ITGB1: variants seen among roughly 807,000 people sequenced by gnomAD.
ITGB1 encodes integrin beta-1.
In ITGB1, 24 loss-of-function variants were observed where a neutral mutation model predicts 86.5. The ratio of observed to expected loss-of-function variants is 0.28; its 90% CI spans 0.20 to 0.39. ITGB1 has a LOEUF of 0.39. Ranked by LOEUF, ITGB1 falls within the 10% of genes least tolerant of loss-of-function variation. ITGB1 has a pLI of 1.00. For synonymous variants in ITGB1, 323 were observed against 316.8 expected (o/e 1.02, Z -0.21); for missense variants, 556 against 946.9 (o/e 0.59, Z 5.42).
At chr10:32,937,705 A>G (rs1231452325) in intron 1 of ITGB1, among the ~76,000 whole-genome samples, 2 of 151,998 alleles carry the variant, frequency 1.3e-5, no homozygotes, top group South Asian at 2.1e-4. Flanking sequence ...TGAAGATAAC[A>G]AAGAGTTATA....
intron 2 of ITGB1, 49 bp downstream of exon 2, chr10:32,935,443 T>C (rs1049691896): frequency 8.4e-7 from 1 of 1,187,250 alleles, no homozygotes. Context: ...CAAAGCGCAA[T>C]ACAAGATACG....
intron 1 of ITGB1, chr10:32,953,647 A>G (rs2095046944): frequency 6.6e-6 from 1 of 152,208 alleles, no homozygotes; most frequent in South Asian, 2.1e-4. Flanking sequence ...AGAAACATGC[A>G]GGCTGCTTTA....
intron 14 of ITGB1, 128 bp from the exon 15 acceptor site, chr10:32,908,662 G>C (rs1286253570): frequency 1.3e-5 from 9 of 673,038 alleles, no homozygotes; most frequent in Non-Finnish European, 2.2e-5. Context: ...ATAGCTCTTA[G>C]AACTAACAAG....
Position 32,932,950 on chromosome 10 carries a change from C to T in ITGB1, c.68-350G>A, listed in dbSNP as rs75224357. ...CTTTTAGTTATTTTAAAATATGCAACTATATTATTATTGACTACAGTCACC... is the reference window on the plus strand; with the variant it reads ...CTTTTAGTTATTTTAAAATATGCAATTATATTATTATTGACTACAGTCACC... On this transcript the variant is annotated intron_variant, in intron 2 of 15. Transcript: ENST00000302278. Among the ~76,000 whole-genome samples the T allele has an allele frequency of 1.9e-3, 290 of 152,062 alleles. 5 individuals carry two copies. The East Asian group carries it at 0.043, about 23-fold the overall frequency.
intron 14 of ITGB1, among the ~76,000 whole-genome samples, 156 bp from the exon 15 acceptor site, chr10:32,908,690 A>G (rs2094904111): frequency 6.6e-6 from 1 of 152,238 alleles, no homozygotes; most frequent in African/African-American, 2.4e-5. Flanking sequence ...ACAAGGTTGC[A>G]GGATACATGA....
intron 2 of ITGB1, among the ~76,000 whole-genome samples, chr10:32,933,779 A>G (rs1489536208): frequency 6.6e-6 from 1 of 152,200 alleles, no homozygotes; most frequent in East Asian, 1.9e-4. Context: ...ATACAGTTGT[A>G]CAGTTTTGTA....
Position 32,902,678 on chromosome 10 carries a change from T to A in ITGB1, c.2332-1043A>T, listed in dbSNP as rs1205883863. 3.3e-5 allele frequency among the ~76,000 whole-genome samples: 5 copies of A among 152,180 alleles called. No individual in the cohort carries two copies. In the East Asian group the frequency reaches 5.8e-4, roughly 18 times the overall value. On this transcript the variant is annotated intron_variant, in intron 15 of 15. Transcript: ENST00000302278. The stretch of plus-strand genomic sequence containing the variant: ...TATAGAACCAACTGCAGGTGATTTT[T>A]AAAAAAATATTTATAGAAAGCATCT...
chr10:32,905,769 T>A (rs2137156338), intron 15 of ITGB1, among the ~76,000 whole-genome samples: 1 of 152,332 alleles, frequency 6.6e-6, no homozygotes, highest in South Asian at 2.1e-4. Context: ...GACACAGTGA[T>A]TTTTATGTAA....
chr10:32,920,786 AAC>A (rs1470998695), intron 9 of ITGB1, among the ~76,000 whole-genome samples: 1 of 149,628 alleles, frequency 6.7e-6, no homozygotes, highest in Non-Finnish European at 1.5e-5. Flanking sequence ...CAGCCTGGCC[AAC>A]ACAGTGAAAC....
At chr10:32,926,582 C>T (rs2094965545) in intron 5 of ITGB1, among the ~76,000 whole-genome samples, 1 of 152,154 alleles carries the variant, frequency 6.6e-6, no homozygotes, top group Non-Finnish European at 1.5e-5. Context: ...GAAGCCTGCT[C>T]CCCACTTTGC....
At chr10:32,946,749 TGGGGG>T (rs35757367) in intron 1 of ITGB1, among the ~76,000 whole-genome samples, 6 of 25,112 alleles carry the variant, frequency 2.4e-4, no homozygotes, top group African/African-American at 8.5e-4. Context: ...TATGTATTTC[TGGGGG>T]GGGGGGGGGG....
chr10:32,949,767 G>T (rs867436460), intron 1 of ITGB1, among the ~76,000 whole-genome samples: 2 of 151,884 alleles, frequency 1.3e-5, no homozygotes, highest in Admixed American at 1.3e-4. Flanking sequence ...TAAAAGTATG[G>T]TTTTATATCA....
chr10:32,917,433 A>C (rs948227872), intron 11 of ITGB1, among the ~76,000 whole-genome samples: 12 of 152,230 alleles, frequency 7.9e-5, no homozygotes, highest in African/African-American at 2.9e-4. Flanking sequence ...CAATTTTTAC[A>C]ATCTACCCAT....
Position 32,925,877 on chromosome 10 carries a change from A to C in ITGB1, c.780T>G (p.Val260=). 1 of 1,600,214 alleles carries C rather than the reference A, an allele frequency of 6.2e-7. No homozygotes were observed. The highest frequency in any genetic ancestry group is 8.6e-7 in the Non-Finnish European group (1 of 1,167,308). Reference sequence around the variant, plus strand: ...AGGAAATGAATGCGCTTACTCCACAAACTGCAACTTGCATGATGGCATCGA... The same window carrying C: ...AGGAAATGAATGCGCTTACTCCACACACTGCAACTTGCATGATGGCATCGA... The part of the protein sequence containing the change: ...GGFDAIMQVA[V]CGSLIGWRNV... The change falls in exon 6 of 16, where the codon GTT becomes GTG. Residue 260 remains valine (V), a synonymous_variant. Coordinates refer to ENST00000302278, the MANE Select transcript of ITGB1 (RefSeq NM_002211.4).
At chr10:32,932,370 T>C (rs1231298936) in intron 3 of ITGB1, 145 bp downstream of exon 3, 8 of 525,924 alleles carry the variant, frequency 1.5e-5, no homozygotes, top group African/African-American at 1.4e-4. Context: ...TAGTGGCTAC[T>C]GTGTTGAACC....
intron 1 of ITGB1, 24 bp from the exon 2 acceptor site, chr10:32,935,582 A>T: frequency 1.3e-6 from 2 of 1,513,646 alleles, no homozygotes; most frequent in Non-Finnish European, 1.8e-6. Context: ...TGTGCCTTAT[A>T]TTAGTTATAA....
intron 15 of ITGB1, among the ~76,000 whole-genome samples, chr10:32,902,506 T>G (rs1027264247): frequency 3.3e-5 from 5 of 152,210 alleles, no homozygotes; most frequent in African/African-American, 1.2e-4. Flanking sequence ...AAAGCAGGCT[T>G]GAAAGCCAAG....
rs545334242 is a variant in ITGB1, at chr10:32,957,194, G to A, written c.-1+951C>T. 3.9e-5 allele frequency among the ~76,000 whole-genome samples: 6 copies of A among 152,338 alleles called. No individual in the cohort carries two copies. The South Asian group carries it at 1.0e-3, about 26-fold the overall frequency. On this transcript the variant is annotated intron_variant, in intron 1 of 15. Transcript: ENST00000302278. ...ATATTACTGTTCCTATTTCACAGAT[G>A]AGGAAACGGAAGCTTAGAGAATGCA...
chr10:32,954,917 C>A (rs533278203), intron 1 of ITGB1, among the ~76,000 whole-genome samples: 17 of 152,260 alleles, frequency 1.1e-4, no homozygotes, highest in African/African-American at 4.1e-4. Context: ...AAACTCACAG[C>A]CACTTTTAAA....
Sources: allele counts gnomAD v4.1 joint callset (sites outside exome capture counted in the v4.1 genomes callset), GRCh38; gene constraint gnomAD v4.1.1; transcripts MANE v1.5; gene names NCBI Gene and HGNC (gene_info 2026-07-23, HGNC 2026-07-21).